Variants in KATNA1 observed in about 807,000 individuals in gnomAD.
KATNA1 encodes katanin catalytic subunit A1, also known as katanin p60 ATPase-containing subunit A1.
Under a neutral mutation model 62.6 loss-of-function variants are expected in KATNA1, and 42 were observed. The observed-to-expected ratio is 0.67, with a 90% CI of 0.52 to 0.87. The LOEUF is 0.87. Ranked by LOEUF, KATNA1 falls within the 40% of genes least tolerant of loss-of-function variation. The probability of loss-of-function intolerance (pLI) is 0.00; values close to 1 mark genes in which losing one functional copy is unlikely to be tolerated. For synonymous variants in KATNA1, 186 were observed against 201.9 expected (o/e 0.92, Z 0.67); for missense variants, 498 against 612.5 (o/e 0.81, Z 1.97).
chr6:149,625,177 G>T (rs898224089), intron 3 of KATNA1, among the ~76,000 whole-genome samples: 1 of 152,138 alleles, frequency 6.6e-6, no homozygotes, highest in South Asian at 2.1e-4. Context: ...AGGATCCACT[G>T]AAAACATTTT....
intron 4 of KATNA1, among the ~76,000 whole-genome samples, chr6:149,605,458 C>T (rs531308872): frequency 6.6e-6 from 1 of 152,170 alleles, no homozygotes; most frequent in Non-Finnish European, 1.5e-5. Flanking sequence ...TAAACACCTA[C>T]TTGTCCCTCA....
intron 4 of KATNA1, among the ~76,000 whole-genome samples, chr6:149,619,912 C>A (rs1387726778): frequency 6.6e-6 from 1 of 152,108 alleles, no homozygotes; most frequent in Admixed American, 6.6e-5. Context: ...ATGGAATCAA[C>A]CTAAGTTCCT....
intron 10 of KATNA1, 50 bp downstream of exon 10, chr6:149,597,013 T>C (rs1251088462): frequency 1.3e-6 from 2 of 1,594,074 alleles, no homozygotes; most frequent in East Asian, 4.5e-5. Flanking sequence ...AAAAACTTCA[T>C]ACTAGAAGTT....
chr6:149,609,993 G>A (rs1270942862), intron 4 of KATNA1, among the ~76,000 whole-genome samples: 1 of 151,390 alleles, frequency 6.6e-6, no homozygotes, highest in African/African-American at 2.4e-5. Flanking sequence ...CAGCTACTCG[G>A]GAGGCTGAGG....
intron 3 of KATNA1, among the ~76,000 whole-genome samples, chr6:149,630,791 C>T (rs1439137774): frequency 6.6e-6 from 1 of 151,936 alleles, no homozygotes; most frequent in Non-Finnish European, 1.5e-5. Context: ...TGCTATCTAC[C>T]ATATCAGACT....
intron 3 of KATNA1, among the ~76,000 whole-genome samples, chr6:149,627,527 CAAAAAA>C (rs796916643): frequency 2.9e-5 from 2 of 69,582 alleles, no homozygotes; most frequent in African/African-American, 5.3e-5. Flanking sequence ...GACTCCATCT[CAAAAAA>C]AAAAAAAAAA....
intron 6 of KATNA1, 102 bp from the exon 7 acceptor site, chr6:149,601,854 A>G: frequency 2.7e-6 from 2 of 741,320 alleles, no homozygotes; most frequent in Non-Finnish European, 4.0e-6. Context: ...CTTATATATA[A>G]TATCAAGACA....
chr6:149,611,288 C>G (rs995282857), intron 4 of KATNA1, among the ~76,000 whole-genome samples: 2 of 151,398 alleles, frequency 1.3e-5, no homozygotes, highest in Admixed American at 1.3e-4. Flanking sequence ...ACAGCGAAAC[C>G]CTGTCTCTAC....
rs191098815 is a variant in KATNA1 at position 149,628,552 on chromosome 6, A to T, written c.320+4207T>A. The stretch of plus-strand genomic sequence containing the variant: ...AAGAATGACTCTCGGCCGGGAGCAT[A>T]GGCTCACGCCTGTAATCCCAGCACT... On this transcript the variant is annotated intron_variant, in intron 3 of 10. Transcript: ENST00000367411. 4.0e-4 allele frequency among the ~76,000 whole-genome samples: 61 copies of T among 151,610 alleles called. 1 individual carries two copies. The highest frequency in any genetic ancestry group is 1.4e-3 in the African/African-American group (58 of 41,438).
chr6:149,645,782 GAATC>G (rs1358414167), intron 1 of KATNA1, among the ~76,000 whole-genome samples: 1 of 151,976 alleles, frequency 6.6e-6, no homozygotes, highest in Non-Finnish European at 1.5e-5. Flanking sequence ...TCAAGTGACA[GAATC>G]AAATTTTTAA....
chr6:149,623,316 C>A, intron 3 of KATNA1, 33 bp from the exon 4 acceptor site: 1 of 1,498,210 alleles, frequency 6.7e-7, no homozygotes, highest in Non-Finnish European at 9.0e-7. Flanking sequence ...ATATCATAAT[C>A]AACTCCACAT....
chr6:149,638,696 G>A, intron 1 of KATNA1, 136 bp from the exon 2 acceptor site: 1 of 446,624 alleles, frequency 2.2e-6, no homozygotes, highest in East Asian at 3.5e-5. Flanking sequence ...CTATATGTGT[G>A]CTCATGCTAT....
intron 3 of KATNA1, among the ~76,000 whole-genome samples, chr6:149,632,286 A>C (rs1158224629): frequency 6.6e-6 from 1 of 151,712 alleles, no homozygotes; most frequent in Non-Finnish European, 1.5e-5. Flanking sequence ...GAGGCAGGGA[A>C]GTCACTTGAA....
chr6:149,621,823 T>A (rs1779408444), intron 4 of KATNA1, among the ~76,000 whole-genome samples: 1 of 151,862 alleles, frequency 6.6e-6, no homozygotes. Context: ...CTTAATCTAA[T>A]CCTGAGGAAG....
intron 4 of KATNA1, among the ~76,000 whole-genome samples, chr6:149,619,457 C>G (rs937306996): frequency 6.6e-6 from 1 of 151,872 alleles, no homozygotes; most frequent in Admixed American, 6.6e-5. Flanking sequence ...TACTAAAATA[C>G]AAAAAATTAG....
chr6:149,646,030 C>T (rs886753945), intron 1 of KATNA1, among the ~76,000 whole-genome samples: 1 of 152,020 alleles, frequency 6.6e-6, no homozygotes, highest in Non-Finnish European at 1.5e-5. Flanking sequence ...AAAGAGGATA[C>T]CTTACCCATT....
intron 3 of KATNA1, among the ~76,000 whole-genome samples, chr6:149,625,052 A>G (rs905732304): frequency 3.9e-5 from 6 of 152,110 alleles, no homozygotes; most frequent in Non-Finnish European, 8.8e-5. Flanking sequence ...TAATAAAGAC[A>G]CCAGTCTAAC....
chr6:149,633,174 C>G (rs1464295058), intron 2 of KATNA1, among the ~76,000 whole-genome samples: 1 of 140,890 alleles, frequency 7.1e-6, no homozygotes, highest in East Asian at 2.1e-4. Context: ...CGTGATCACT[C>G]TCGGCTCATT....
chr6:149,614,161 G>A (rs1203073830), intron 4 of KATNA1, among the ~76,000 whole-genome samples: 2 of 152,162 alleles, frequency 1.3e-5, no homozygotes, highest in East Asian at 1.9e-4. Context: ...AACTGTACAC[G>A]TGCTCCTGGA....
Sources: allele counts gnomAD v4.1 joint callset (sites outside exome capture counted in the v4.1 genomes callset), GRCh38; gene constraint gnomAD v4.1.1; transcripts MANE v1.5; gene names NCBI Gene and HGNC (gene_info 2026-07-23, HGNC 2026-07-21).